Variants in IGSF21 observed in about 807,000 individuals in gnomAD.
IGSF21 encodes immunoglobulin superfamily member 21.
Under a neutral mutation model 46.8 loss-of-function variants are expected in IGSF21, and 28 were observed. The observed-to-expected ratio is 0.60, with a 90% CI of 0.44 to 0.82. The LOEUF (loss-of-function observed/expected upper bound fraction) is 0.82, where lower values mean the gene tolerates loss of function less well. Ranked by LOEUF, IGSF21 falls within the 40% of genes least tolerant of loss-of-function variation. The pLI is 0.00. For synonymous variants in IGSF21, 284 were observed against 273.6 expected, an observed-to-expected ratio of 1.04 and a Z score of -0.38; for missense variants, 624 against 665.5, an observed-to-expected ratio of 0.94 and a Z score of 0.69.
rs895247335 is a variant in IGSF21, at chr1:18,341,296, A to G, written c.424+6286A>G. On this transcript the variant is annotated intron_variant, in intron 4 of 9. Coordinates refer to ENST00000251296, the MANE Select transcript of IGSF21 (RefSeq NM_032880.5). The stretch of plus-strand genomic sequence containing the variant: ...TCCTTATAAGGACATCAGTCATTGA[A>G]TTAGGACTCACCCTAATCCAGTGTG... Among the ~76,000 whole-genome samples, 19 of 151,978 alleles carry G rather than the reference A, an allele frequency of 1.3e-4. 1 individual carries two copies. Among genetic ancestry groups the G allele is most frequent in the Admixed American group, 1.2e-3 (19 of 15,254 alleles).
chr1:18,159,558 T>C (rs1363022429), intron 1 of IGSF21, among the ~76,000 whole-genome samples: 1 of 152,212 alleles, frequency 6.6e-6, no homozygotes. Context: ...TTGGTTCTTG[T>C]TCTCTCTCTT....
chr1:18,127,676 G>A (rs1026843343), intron 1 of IGSF21, among the ~76,000 whole-genome samples: 1 of 152,156 alleles, frequency 6.6e-6, no homozygotes, highest in Non-Finnish European at 1.5e-5. Flanking sequence ...GCCAAGGTGG[G>A]CAGATTGCTT....
chr1:18,311,834 A>G (rs1415546785), intron 3 of IGSF21, among the ~76,000 whole-genome samples: 1 of 152,206 alleles, frequency 6.6e-6, no homozygotes, highest in Admixed American at 6.5e-5. Context: ...TGTGGGGGGA[A>G]TAGCCCCCAT....
At chr1:18,345,769 G>A (rs1166277802) in intron 4 of IGSF21, among the ~76,000 whole-genome samples, 1 of 152,130 alleles carries the variant, frequency 6.6e-6, no homozygotes, top group Non-Finnish European at 1.5e-5. Context: ...GCCTTCTAAG[G>A]TCGATTCTGT....
intron 3 of IGSF21, among the ~76,000 whole-genome samples, chr1:18,317,883 T>C (rs1250787445): frequency 2.6e-5 from 4 of 152,116 alleles, no homozygotes; most frequent in African/African-American, 9.7e-5. Flanking sequence ...TTACCCCAAA[T>C]TGTAAGGTGA....
intron 1 of IGSF21, among the ~76,000 whole-genome samples, chr1:18,119,758 G>A (rs1318664338): frequency 6.8e-5 from 1 of 14,746 alleles, no homozygotes; most frequent in Non-Finnish European, 5.4e-4. Flanking sequence ...TTTTAATAAC[G>A]GTGTTTTTTT....
intron 1 of IGSF21, among the ~76,000 whole-genome samples, chr1:18,184,469 C>T (rs552994189): frequency 1.3e-5 from 2 of 152,218 alleles, no homozygotes; most frequent in Admixed American, 1.3e-4. Flanking sequence ...ATTAATCCCT[C>T]TGAACCTTTA....
intron 1 of IGSF21, among the ~76,000 whole-genome samples, chr1:18,121,774 GA>G (rs1399139322): frequency 1.3e-5 from 2 of 152,076 alleles, no homozygotes; most frequent in Non-Finnish European, 2.9e-5. Context: ...GCCTTAGGGG[GA>G]AAAATTTCAC....
In IGSF21 at chr1:18,367,897, C is replaced by G. The variant is rs559389436; in HGVS notation, c.1015+2200C>G. ...GGGGTTACAGACGTGAGCCACCGCACCCAGCAGCCTTTTGATTTTCACAGG... is the reference window on the plus strand; with the variant it reads ...GGGGTTACAGACGTGAGCCACCGCAGCCAGCAGCCTTTTGATTTTCACAGG... On this transcript the variant is annotated intron_variant, in intron 6 of 9. Coordinates refer to ENST00000251296, the MANE Select transcript of IGSF21 (RefSeq NM_032880.5). 4.5e-4 allele frequency among the ~76,000 whole-genome samples: 69 copies of G among 152,098 alleles called. 1 individual carries two copies. The highest frequency in any genetic ancestry group is 1.6e-3 in the African/African-American group (67 of 41,468).
rs895897964 is a variant in IGSF21, at chr1:18,377,289, A to G, written c.1295-104A>G. The G allele has an allele frequency of 3.9e-6, 4 of 1,033,416 alleles. No individual in the cohort carries two copies. The African/African-American group carries it at 4.7e-5, about 12-fold the overall frequency. 64.0% of individuals were successfully genotyped at this position (1,033,416 alleles called of 1,614,324 possible). On this transcript the variant is annotated intron_variant, in intron 8 of 9. Transcript: ENST00000251296. Reference sequence around the variant, plus strand: ...GAAGGTTGTGTGGCTGCACTGAGACAGTGCGTGTGATACCTCACAGCAGGT... The same window carrying G: ...GAAGGTTGTGTGGCTGCACTGAGACGGTGCGTGTGATACCTCACAGCAGGT...
At chr1:18,366,760 C>T (rs2086169244) in intron 6 of IGSF21, among the ~76,000 whole-genome samples, 3 of 152,106 alleles carry the variant, frequency 2.0e-5, no homozygotes. Flanking sequence ...GACAGCTCAG[C>T]CCAAGAATCT....
intron 3 of IGSF21, among the ~76,000 whole-genome samples, chr1:18,331,420 G>T (rs2085712217): frequency 2.0e-5 from 3 of 152,216 alleles, no homozygotes; most frequent in Non-Finnish European, 4.4e-5. Flanking sequence ...CATCCAGGTT[G>T]CTGTGAATGC....
At chr1:18,162,234 G>C (rs2086633889) in intron 1 of IGSF21, among the ~76,000 whole-genome samples, 1 of 152,040 alleles carries the variant, frequency 6.6e-6, no homozygotes, top group Admixed American at 6.6e-5. Flanking sequence ...TTTTTGTAGA[G>C]ACAAGGTCTT....
At chr1:18,111,424 T>C (rs1475281872) in intron 1 of IGSF21, 1 of 152,248 alleles carries the variant, frequency 6.6e-6, no homozygotes, top group Non-Finnish European at 1.5e-5. Context: ...GTTTTTCTTT[T>C]TCTTTTAAGT....
intron 4 of IGSF21, among the ~76,000 whole-genome samples, chr1:18,349,903 A>AG (rs1454122664): frequency 6.6e-6 from 1 of 151,708 alleles, no homozygotes; most frequent in Non-Finnish European, 1.5e-5. Flanking sequence ...TTAAAAAAAA[A>AG]ACCACTAAAT....
At chr1:18,244,105 A>G (rs1278092922) in intron 2 of IGSF21, among the ~76,000 whole-genome samples, 1 of 152,246 alleles carries the variant, frequency 6.6e-6, no homozygotes, top group African/African-American at 2.4e-5. Flanking sequence ...GATTTGGACG[A>G]CAAATGACAC....
chr1:18,120,210 G>A (rs1457476724), intron 1 of IGSF21, among the ~76,000 whole-genome samples: 3 of 152,202 alleles, frequency 2.0e-5, no homozygotes, highest in Non-Finnish European at 4.4e-5. Context: ...GAAGAGTGGG[G>A]CACTTTCTAC....
intron 3 of IGSF21, among the ~76,000 whole-genome samples, chr1:18,326,067 G>A (rs574543655): frequency 9.9e-5 from 15 of 151,534 alleles, no homozygotes; most frequent in Non-Finnish European, 2.2e-4. Flanking sequence ...CCAGGGAGTA[G>A]CAAACCTTTT....
At chr1:18,157,833 G>A (rs917513685) in intron 1 of IGSF21, among the ~76,000 whole-genome samples, 7 of 152,124 alleles carry the variant, frequency 4.6e-5, no homozygotes, top group African/African-American at 1.7e-4. Flanking sequence ...GGGGAGGGGT[G>A]TTTCCTCCAT....
Sources: allele counts gnomAD v4.1 joint callset (sites outside exome capture counted in the v4.1 genomes callset), GRCh38; gene constraint gnomAD v4.1.1; transcripts MANE v1.5; gene names NCBI Gene and HGNC (gene_info 2026-07-23, HGNC 2026-07-21).